LIPI: variants seen among roughly 807,000 people sequenced by gnomAD.
LIPI encodes lipase I, also known as lipase member I.
LIPI carries 59 observed loss-of-function variants against 50.6 expected under a neutral mutation model. The observed-to-expected ratio is 1.16, with a 90% CI of 0.94 to 1.45. The LOEUF is 1.45. Ranked by LOEUF, LIPI falls within the 40% of genes most tolerant of loss-of-function variation. The pLI is 0.00. For missense variants in LIPI, 586 were observed against 536.3 expected (o/e 1.09, Z -0.92); for synonymous variants, 203 against 178.2 (o/e 1.14, Z -1.11).
In LIPI at chr21:14,185,981, C is replaced by T. The variant is rs141701833; in HGVS notation, c.521G>A (p.Gly174Asp). Residue 174 changes from glycine to aspartate, a missense_variant, in exon 3 of 10, where the codon GGT (glycine) becomes GAT (aspartate). Physicochemically the swap from Gly to Asp is moderately conservative, Grantham distance 94. Coordinates refer to ENST00000681601, the MANE Select transcript of LIPI (RefSeq NM_001302998.2). Reference protein sequence around the residue: ...ISGFVGKIFHGQLGRITGLDP... With the variant: ...ISGFVGKIFHDQLGRITGLDP... Reference sequence around the variant, plus strand: ...TTTACCTGTTATTCTTCCAAGTTGACCATGAAATATCTTTCCAACAAATCC... The same window carrying T: ...TTTACCTGTTATTCTTCCAAGTTGATCATGAAATATCTTTCCAACAAATCC... 315 of 1,566,734 alleles carry T rather than the reference C, an allele frequency of 2.0e-4. No individual in the cohort carries two copies. In the African/African-American group the frequency reaches 3.7e-3, roughly 19 times the overall value.
intron 3 of LIPI, among the ~76,000 whole-genome samples, chr21:14,183,012 G>T (rs374624450): frequency 4.0e-5 from 6 of 151,842 alleles, no homozygotes; most frequent in Non-Finnish European, 7.4e-5. Flanking sequence ...AGCCCGCATC[G>T]CCAAGTCAAT....
At chr21:14,180,312 A>T (rs756913452) in intron 4 of LIPI, among the ~76,000 whole-genome samples, 38 of 152,118 alleles carry the variant, frequency 2.5e-4, no homozygotes, top group Non-Finnish European at 8.8e-5. Context: ...GAAGCATGTG[A>T]TCTTTGTACC....
At chr21:14,169,063 C>T (rs2018797333) in intron 4 of LIPI, among the ~76,000 whole-genome samples, 1 of 152,062 alleles carries the variant, frequency 6.6e-6, no homozygotes, top group Admixed American at 6.5e-5. Flanking sequence ...GGTTGCAATC[C>T]TAGTCTGTGA....
intron 9 of LIPI, among the ~76,000 whole-genome samples, chr21:14,118,342 G>A (rs1024248100): frequency 6.6e-6 from 1 of 152,096 alleles, no homozygotes; most frequent in African/African-American, 2.4e-5. Context: ...CAAAAAATTG[G>A]GCCGTTATCA....
chr21:14,203,214 G>A (rs2020120461), intron 1 of LIPI, among the ~76,000 whole-genome samples: 1 of 152,022 alleles, frequency 6.6e-6, no homozygotes, highest in Non-Finnish European at 1.5e-5. Context: ...GGAGAAATAG[G>A]AACACTTTTA....
chr21:14,182,679 G>A (rs2019313620), intron 3 of LIPI, among the ~76,000 whole-genome samples: 1 of 150,932 alleles, frequency 6.6e-6, no homozygotes, highest in South Asian at 2.1e-4. Flanking sequence ...CCTCTTCAAG[G>A]AGAACTACAA....
chr21:14,113,021 T>G (rs558896747), intron 9 of LIPI, among the ~76,000 whole-genome samples: 1 of 152,312 alleles, frequency 6.6e-6, no homozygotes, highest in South Asian at 2.1e-4. Context: ...GTGGGAATCA[T>G]TACACCTAGA....
intron 9 of LIPI, among the ~76,000 whole-genome samples, chr21:14,125,275 C>G (rs1384123942): frequency 2.6e-5 from 4 of 152,006 alleles, no homozygotes; most frequent in African/African-American, 9.7e-5. Context: ...CAGCACAAAA[C>G]CTGGGATAAG....
intron 1 of LIPI, among the ~76,000 whole-genome samples, chr21:14,210,553 G>A (rs562646286): frequency 4.6e-5 from 7 of 151,808 alleles, no homozygotes; most frequent in Non-Finnish European, 8.8e-5. Context: ...TTAAAAAAAG[G>A]TTTTCTAGTT....
At chr21:14,198,524 C>T (rs2019940076) in intron 1 of LIPI, among the ~76,000 whole-genome samples, 1 of 151,764 alleles carries the variant, frequency 6.6e-6, no homozygotes, top group Non-Finnish European at 1.5e-5. Context: ...AAAGACAAAA[C>T]ATTACATAAT....
At chr21:14,150,900 A>C (rs2018067009) in intron 8 of LIPI, among the ~76,000 whole-genome samples, 1 of 152,290 alleles carries the variant, frequency 6.6e-6, no homozygotes, top group Non-Finnish European at 1.5e-5. Context: ...AAAACGGATA[A>C]TTGTTACTCT....
intron 4 of LIPI, among the ~76,000 whole-genome samples, chr21:14,177,147 C>T (rs1487335747): frequency 3.3e-5 from 5 of 152,070 alleles, no homozygotes; most frequent in Non-Finnish European, 7.4e-5. Flanking sequence ...TTATTAGGTA[C>T]ATACAAACTA....
Position 14,149,576 on chromosome 21 carries a change from T to C in LIPI, c.1118+2997A>G, listed in dbSNP as rs9979467. The stretch of plus-strand genomic sequence containing the variant: ...TCTCATTTGAGACAAGGTTAGTCCC[T>C]TCCACCTATGAGCCTGTAAAATCAA... On this transcript the variant is annotated intron_variant, in intron 8 of 9. Coordinates refer to ENST00000681601, the MANE Select transcript of LIPI (RefSeq NM_001302998.2). 3.9e-3 allele frequency among the ~76,000 whole-genome samples: 587 copies of C among 152,316 alleles called. 6 individuals carry two copies. Among genetic ancestry groups the C allele is most frequent in the African/African-American group, 0.014 (567 of 41,568 alleles).
At chr21:14,176,757 T>C (rs2019112187) in intron 4 of LIPI, among the ~76,000 whole-genome samples, 1 of 150,176 alleles carries the variant, frequency 6.7e-6, no homozygotes, top group South Asian at 2.1e-4. Flanking sequence ...AATAATGCCC[T>C]CATAGCTCTG....
At position 14,149,322 on chromosome 21, in the gene LIPI, A is replaced by G. The variant is rs2018007718; in HGVS notation, c.1118+3251T>C. 2.6e-5 allele frequency among the ~76,000 whole-genome samples: 4 copies of G among 152,244 alleles called. 1 individual carries two copies. The highest frequency in any genetic ancestry group is 1.9e-4 in the East Asian group (1 of 5,178). On this transcript the variant is annotated intron_variant, in intron 8 of 9. Coordinates refer to ENST00000681601, the MANE Select transcript of LIPI (RefSeq NM_001302998.2). ...CTCTATCAAGAGAATAATATAGGGG[A>G]AACCACCCCTGTGATTCAATTATCT...
intron 4 of LIPI, among the ~76,000 whole-genome samples, chr21:14,178,790 ATGCT>A (rs767964031): frequency 2.0e-5 from 3 of 152,098 alleles, no homozygotes; most frequent in Non-Finnish European, 4.4e-5. Context: ...GCTATCTTGG[ATGCT>A]AAACATTTAT....
chr21:14,167,069 A>G (rs549357711), intron 4 of LIPI, among the ~76,000 whole-genome samples: 3 of 152,324 alleles, frequency 2.0e-5, no homozygotes, highest in East Asian at 1.9e-4. Flanking sequence ...TATCCCACAC[A>G]TGGCTCGGAG....
At chr21:14,132,742 T>C (rs1224785703) in intron 9 of LIPI, among the ~76,000 whole-genome samples, 1 of 151,904 alleles carries the variant, frequency 6.6e-6, no homozygotes, top group Non-Finnish European at 1.5e-5. Flanking sequence ...ATAAATAAAA[T>C]TGATAAACCA....
chr21:14,197,147 A>T (rs367821310), intron 1 of LIPI, among the ~76,000 whole-genome samples: 3 of 151,800 alleles, frequency 2.0e-5, no homozygotes, highest in East Asian at 3.9e-4. Context: ...GAACAAAAAA[A>T]TAATTTATAC....
Sources: allele counts gnomAD v4.1 joint callset (sites outside exome capture counted in the v4.1 genomes callset), GRCh38; gene constraint gnomAD v4.1.1; transcripts MANE v1.5; gene names NCBI Gene and HGNC (gene_info 2026-07-23, HGNC 2026-07-21).